The following PIK3C2A variants were observed in gnomAD, a reference collection of about 807,000 sequenced individuals.
PIK3C2A encodes the protein phosphatidylinositol-4-phosphate 3-kinase catalytic subunit type 2 alpha.
Under a neutral mutation model 204.5 loss-of-function variants are expected in PIK3C2A, and 97 were observed. The observed-to-expected ratio is 0.47, with a 90% CI of 0.40 to 0.56. The LOEUF (loss-of-function observed/expected upper bound fraction) is 0.56, where lower values mean the gene tolerates loss of function less well. PIK3C2A is among the 20% of genes least tolerant of loss of function. PIK3C2A has a pLI of 0.00. For synonymous variants in PIK3C2A, 653 were observed against 664.4 expected (o/e 0.98, Z 0.26); for missense variants, 1,735 against 1,969.2 (o/e 0.88, Z 2.25).
At chr11:17,155,884 A>G (rs984970284) in intron 2 of PIK3C2A, among the ~76,000 whole-genome samples, 3 of 152,210 alleles carry the variant, frequency 2.0e-5, no homozygotes, top group Non-Finnish European at 4.4e-5. Context: ...ATGGAATGCT[A>G]AAGACCTTTC....
intron 1 of PIK3C2A, among the ~76,000 whole-genome samples, chr11:17,178,114 A>G (rs485044): frequency 4.1e-5 from 3 of 73,238 alleles, no homozygotes; most frequent in Admixed American, 1.7e-4. Flanking sequence ...AAAAAAAAAG[A>G]AAAAAAAAAT....
At chr11:17,125,157 T>C (rs1849482888) in intron 13 of PIK3C2A, among the ~76,000 whole-genome samples, 1 of 152,222 alleles carries the variant, frequency 6.6e-6, no homozygotes, top group South Asian at 2.1e-4. Flanking sequence ...TAGGAAGGCA[T>C]TTTCACAGAT....
At chr11:17,102,942 T>A in intron 23 of PIK3C2A, 111 bp from the exon 24 acceptor site, 1 of 659,462 alleles carries the variant, frequency 1.5e-6, no homozygotes, top group Non-Finnish European at 2.5e-6. Flanking sequence ...TGTAATCCAC[T>A]CTCTCAATAG....
chr11:17,145,784 G>GT, intron 7 of PIK3C2A, 53 bp from the exon 8 acceptor site: 1 of 1,550,232 alleles, frequency 6.5e-7, no homozygotes, highest in Non-Finnish European at 8.9e-7. Context: ...CAAAATGATT[G>GT]TTTTCATCAC....
chr11:17,142,646 G>A (rs11605718), intron 8 of PIK3C2A, among the ~76,000 whole-genome samples: 34,999 of 151,928 alleles, frequency 0.23, 4,444 homozygotes, highest in Middle Eastern at 0.34. Flanking sequence ...GAAATCTGCA[G>A]GGGGTTGCAG....
intron 19 of PIK3C2A, among the ~76,000 whole-genome samples, chr11:17,114,825 C>G (rs1450408195): frequency 6.6e-6 from 1 of 152,176 alleles, no homozygotes; most frequent in East Asian, 1.9e-4. Flanking sequence ...GAGGTGTACA[C>G]AGGTGTAGCT....
At chr11:17,094,831 T>C (rs1848407188) in intron 27 of PIK3C2A, among the ~76,000 whole-genome samples, 1 of 152,246 alleles carries the variant, frequency 6.6e-6, no homozygotes, top group Non-Finnish European at 1.5e-5. Context: ...GCAGTTCAAG[T>C]ACTTTTATCT....
chr11:17,106,883 T>C (rs934786187), intron 22 of PIK3C2A, among the ~76,000 whole-genome samples: 3 of 152,240 alleles, frequency 2.0e-5, no homozygotes, highest in Non-Finnish European at 4.4e-5. Flanking sequence ...CAGAATACGT[T>C]AGCACTTTCG....
rs1404945910 is a variant in PIK3C2A, at chr11:17,089,891, G to A, written c.4908C>T (p.Thr1636=). ...MLVYSGYSKE[T]LRQRELQLSV... Reference sequence around the variant, plus strand: ...TTAGTTGAAGTTCTCGCTGTCTTAGGGTTTCTTTGCTATATCCACTGTATA... The same window carrying A: ...TTAGTTGAAGTTCTCGCTGTCTTAGAGTTTCTTTGCTATATCCACTGTATA... The change falls in exon 33 of 33, where the codon ACC becomes ACT. Residue 1636 remains threonine, a synonymous_variant. Transcript: ENST00000691414. The A allele has an allele frequency of 2.5e-6, 4 of 1,611,420 alleles. No homozygotes were observed. In the South Asian group the frequency reaches 3.3e-5, roughly 13 times the overall value.
chr11:17,173,602 TAAGCCAG>T (rs757310787), intron 1 of PIK3C2A, among the ~76,000 whole-genome samples: 5 of 152,194 alleles, frequency 3.3e-5, no homozygotes, highest in African/African-American at 4.8e-5. Context: ...CCTTTTTGCT[TAAGCCAG>T]TTTAAAATGA....
chr11:17,204,705 T>C (rs1035074580), intron 1 of PIK3C2A, among the ~76,000 whole-genome samples: 15 of 152,158 alleles, frequency 9.9e-5, no homozygotes, highest in South Asian at 4.1e-4. Context: ...CTGGGAACCT[T>C]TGAAGTACCA....
intron 1 of PIK3C2A, among the ~76,000 whole-genome samples, chr11:17,195,527 C>T (rs1013397231): frequency 6.6e-6 from 1 of 150,914 alleles, no homozygotes; most frequent in African/African-American, 2.4e-5. Flanking sequence ...CAAAACCAGT[C>T]TGGCCAACAT....
chr11:17,092,479 C>A (rs770301898), intron 28 of PIK3C2A, among the ~76,000 whole-genome samples: 4 of 152,022 alleles, frequency 2.6e-5, no homozygotes, highest in Non-Finnish European at 5.9e-5. Flanking sequence ...CCAGGTTGGC[C>A]AACATGATAA....
At chr11:17,102,171 T>C (rs983179755) in intron 24 of PIK3C2A, among the ~76,000 whole-genome samples, 2 of 152,154 alleles carry the variant, frequency 1.3e-5, no homozygotes, top group Non-Finnish European at 2.9e-5. Context: ...GCATGGTGGC[T>C]CACGCCTGTA....
chr11:17,151,259 T>A (rs1292356309), intron 3 of PIK3C2A, among the ~76,000 whole-genome samples: 1 of 152,170 alleles, frequency 6.6e-6, no homozygotes, highest in Non-Finnish European at 1.5e-5. Context: ...AGTTCAAAAT[T>A]AAATACATGA....
At chr11:17,128,092 A>G (rs1028275403) in intron 13 of PIK3C2A, among the ~76,000 whole-genome samples, 1 of 152,166 alleles carries the variant, frequency 6.6e-6, no homozygotes, top group Non-Finnish European at 1.5e-5. Context: ...TGAGAAATAT[A>G]AGGATACCTA....
At chr11:17,135,303 AAAAG>A (rs1253052612) in intron 9 of PIK3C2A, 144 bp from the exon 10 acceptor site, 5 of 812,014 alleles carry the variant, frequency 6.2e-6, no homozygotes, top group African/African-American at 1.7e-5. Context: ...AAATAATGCA[AAAAG>A]AAAGGGAAAA....
At chr11:17,188,923 G>A (rs1851846683) in intron 1 of PIK3C2A, among the ~76,000 whole-genome samples, 1 of 146,942 alleles carries the variant, frequency 6.8e-6, no homozygotes. Context: ...ATGTAAAACA[G>A]CTGCCCTCCT....
rs566279890 is a variant in PIK3C2A, at chr11:17,089,657, G to T, written c.*81C>A. ...TACTATACAAAATTAACAAGTGTGT[G>T]TGTGTGTGTCTGTGTGTGTGTGCAT... On this transcript the variant is annotated 3_prime_UTR_variant, in exon 33 of 33. Transcript: ENST00000691414. The T allele has an allele frequency of 8.2e-5, 64 of 781,090 alleles. No homozygotes were observed. In the East Asian group the frequency reaches 1.6e-3, roughly 19 times the overall value. 48.4% of individuals were successfully genotyped at this position (781,090 alleles called of 1,614,324 possible).
Sources: allele counts gnomAD v4.1 joint callset (sites outside exome capture counted in the v4.1 genomes callset), GRCh38; gene constraint gnomAD v4.1.1; transcripts MANE v1.5; gene names NCBI Gene and HGNC (gene_info 2026-07-23, HGNC 2026-07-21).